The following CSRNP3 variants were observed in gnomAD, a reference collection of about 807,000 sequenced individuals.
CSRNP3 encodes the protein cysteine/serine-rich nuclear protein 3.
In CSRNP3, 12 loss-of-function variants were observed where a neutral mutation model predicts 48.0. The ratio of observed to expected loss-of-function variants is 0.25; its 90% CI spans 0.16 to 0.41. CSRNP3 has a LOEUF of 0.41. CSRNP3 is among the 10% of genes least tolerant of loss of function. The pLI is 1.00. For synonymous variants in CSRNP3, 263 were observed against 269.7 expected (o/e 0.98, Z 0.24); for missense variants, 580 against 724.4 (o/e 0.80, Z 2.29).
At chr2:165,648,498 GA>G in intron 4 of CSRNP3, among the ~76,000 whole-genome samples, 1 of 152,058 alleles carries the variant, frequency 6.6e-6, no homozygotes, top group Non-Finnish European at 1.5e-5. Flanking sequence ...TTTTTAAAAA[GA>G]TTTTTTTGCT....
chr2:165,531,890 C>T (rs1684816291), intron 3 of CSRNP3, among the ~76,000 whole-genome samples: 1 of 151,992 alleles, frequency 6.6e-6, no homozygotes, highest in Non-Finnish European at 1.5e-5. Context: ...ACCACCGATC[C>T]CACAGAAACA....
rs1348766008 is a variant in CSRNP3, at chr2:165,521,173, C to CAAAAAAAAA, written c.-24+3215_-24+3223dup. ...CTTGTGTTGTCTGTTATGGGAAAGC[C>CAAAAAAAAA]AAAAAAAAAAAGAAAAAGAAAATTA... On this transcript the variant is annotated intron_variant, in intron 3 of 6. Coordinates refer to ENST00000651982, the MANE Select transcript of CSRNP3 (RefSeq NM_001172173.2). Among the ~76,000 whole-genome samples the CAAAAAAAAA allele has an allele frequency of 2.3e-3, 314 of 135,596 alleles. 2 individuals are homozygous for CAAAAAAAAA. Among genetic ancestry groups the CAAAAAAAAA allele is most frequent in the Middle Eastern group, 3.7e-3 (1 of 268 alleles). The allele number at this position is 135,596 out of a possible 152,430, so 89.0% of individuals were successfully genotyped here. A position where few individuals can be genotyped will look rare whatever the true frequency, so the allele number is the denominator to read the frequency against.
At chr2:165,661,990 T>C (rs975132900) in intron 5 of CSRNP3, among the ~76,000 whole-genome samples, 1 of 152,080 alleles carries the variant, frequency 6.6e-6, no homozygotes, top group Non-Finnish European at 1.5e-5. Flanking sequence ...CCAGGGTGTC[T>C]TTGCTGAGTT....
intron 3 of CSRNP3, among the ~76,000 whole-genome samples, chr2:165,590,502 T>TATA (rs1478540331): frequency 6.6e-6 from 1 of 152,190 alleles, no homozygotes; most frequent in Non-Finnish European, 1.5e-5. Context: ...TAAATACTTA[T>TATA]GAAACATCCA....
intron 1 of CSRNP3, among the ~76,000 whole-genome samples, chr2:165,475,884 A>G (rs1246546579): frequency 6.6e-6 from 1 of 152,178 alleles, no homozygotes; most frequent in Non-Finnish European, 1.5e-5. Context: ...ATCTGCATGT[A>G]GTTCCCATTT....
intron 2 of CSRNP3, among the ~76,000 whole-genome samples, chr2:165,500,825 A>C (rs1009142270): frequency 6.6e-6 from 1 of 151,986 alleles, no homozygotes; most frequent in Admixed American, 6.6e-5. Flanking sequence ...AAATGTATAT[A>C]CTTTAAATTT....
intron 4 of CSRNP3, among the ~76,000 whole-genome samples, chr2:165,625,099 G>A (rs1281536946): frequency 6.6e-6 from 1 of 152,132 alleles, no homozygotes; most frequent in East Asian, 1.9e-4. Context: ...CATCATTTTG[G>A]TTGTGTCCTA....
At chr2:165,652,095 A>G (rs1370686186) in intron 4 of CSRNP3, among the ~76,000 whole-genome samples, 1 of 152,226 alleles carries the variant, frequency 6.6e-6, no homozygotes, top group Non-Finnish European at 1.5e-5. Context: ...ATGGCCAGAT[A>G]TGCTGAACAT....
At chr2:165,585,474 G>T (rs534040529) in intron 3 of CSRNP3, among the ~76,000 whole-genome samples, 2 of 152,222 alleles carry the variant, frequency 1.3e-5, no homozygotes, top group Non-Finnish European at 2.9e-5. Context: ...GCAATCAGAA[G>T]AAACAGCAAA....
In CSRNP3 at chr2:165,683,706, G is replaced by A. The variant is rs983637229; in HGVS notation, c.*3953G>A. The A allele has an allele frequency of 2.6e-5, 4 of 152,038 alleles. No homozygotes were observed. The highest frequency in any genetic ancestry group is 9.7e-5 in the African/African-American group (4 of 41,424). 9.4% of individuals were successfully genotyped at this position (152,038 alleles called of 1,614,324 possible). On this transcript the variant is annotated 3_prime_UTR_variant, in exon 7 of 7. Coordinates refer to ENST00000651982, the MANE Select transcript of CSRNP3 (RefSeq NM_001172173.2). ...ACAACTGTCTTGGGTAGTAAAAAGAGGGGAACACTACAAATTATAATGGAT... is the reference window on the plus strand; with the variant it reads ...ACAACTGTCTTGGGTAGTAAAAAGAAGGGAACACTACAAATTATAATGGAT...
chr2:165,538,140 G>A (rs1481145096), intron 3 of CSRNP3, among the ~76,000 whole-genome samples: 1 of 151,934 alleles, frequency 6.6e-6, no homozygotes, highest in African/African-American at 2.4e-5. Context: ...AAAGAGGCAA[G>A]ATTATTCATC....
chr2:165,501,122 G>T (rs1214217839), intron 2 of CSRNP3, among the ~76,000 whole-genome samples: 1 of 152,010 alleles, frequency 6.6e-6, no homozygotes, highest in Non-Finnish European at 1.5e-5. Context: ...AATTGATTAG[G>T]CTTCCCATTA....
intron 3 of CSRNP3, among the ~76,000 whole-genome samples, chr2:165,531,126 G>A (rs1203870467): frequency 6.6e-6 from 1 of 151,932 alleles, no homozygotes; most frequent in Non-Finnish European, 1.5e-5. Flanking sequence ...TTAATTTTTA[G>A]ACAGCTATCT....
intron 2 of CSRNP3, among the ~76,000 whole-genome samples, chr2:165,501,608 G>A (rs904461668): frequency 6.6e-6 from 1 of 152,128 alleles, no homozygotes; most frequent in African/African-American, 2.4e-5. Context: ...TGTGCTGAAT[G>A]CTTTAAACAA....
At chr2:165,477,422 C>A (rs376676835) in intron 1 of CSRNP3, among the ~76,000 whole-genome samples, 6 of 136,826 alleles carry the variant, frequency 4.4e-5, no homozygotes, top group African/African-American at 1.6e-4. Context: ...AGTTCGAGAC[C>A]AGCCTGACCA....
At chr2:165,529,279 C>A (rs1242243989) in intron 3 of CSRNP3, among the ~76,000 whole-genome samples, 1 of 152,152 alleles carries the variant, frequency 6.6e-6, no homozygotes, top group Non-Finnish European at 1.5e-5. Context: ...TGTGTCTCCA[C>A]CCAAATTTCA....
intron 4 of CSRNP3, among the ~76,000 whole-genome samples, chr2:165,642,103 A>ACAC (rs1686731373): frequency 1.7e-4 from 23 of 132,198 alleles, no homozygotes; most frequent in African/African-American, 5.2e-4. Flanking sequence ...CACACACACA[A>ACAC]ACACACACAC....
chr2:165,523,734 A>G lies in CSRNP3; in HGVS notation c.-24+5773A>G, dbSNP rs374026801. Among the ~76,000 whole-genome samples the G allele has an allele frequency of 6.6e-5, 10 of 152,294 alleles. No individual in the cohort carries two copies. In the East Asian group the frequency reaches 1.4e-3, roughly 21 times the overall value. ...TCACAAACCACAAACTCAAACCCCA[A>G]TAGGTGGCTATAGGTAATATAAATG... On this transcript the variant is annotated intron_variant, in intron 3 of 6. Transcript: ENST00000651982.
chr2:165,671,137 T>C (rs749095019), intron 5 of CSRNP3, among the ~76,000 whole-genome samples: 7 of 152,176 alleles, frequency 4.6e-5, no homozygotes, highest in East Asian at 1.9e-4. Context: ...AGTCAGGAAA[T>C]TGGGCTCTGT....
Sources: gnomAD v4.1 joint callset for allele counts (sites outside exome capture counted in the v4.1 genomes callset) on GRCh38, gnomAD v4.1.1 for gene constraint, MANE v1.5 for transcripts, NCBI Gene and HGNC (gene_info 2026-07-23, HGNC 2026-07-21) for gene names.